Variants in KREMEN1 observed in about 807,000 individuals in gnomAD.
The protein encoded by KREMEN1 is kringle containing transmembrane protein 1.
Under a neutral mutation model 46.5 loss-of-function variants are expected in KREMEN1, and 30 were observed. The ratio of observed to expected loss-of-function variants is 0.65; its 90% CI spans 0.48 to 0.88. The LOEUF (loss-of-function observed/expected upper bound fraction) is 0.88. Ranked by LOEUF, KREMEN1 falls within the 40% of genes least tolerant of loss-of-function variation. The pLI, the probability that KREMEN1 is intolerant of heterozygous loss-of-function variation, is 0.00. For synonymous variants in KREMEN1, 214 were observed against 230.6 expected (o/e 0.93, Z 0.65); for missense variants, 533 against 596.9 (o/e 0.89, Z 1.11).
chr22:29,137,596 G>A lies in KREMEN1; in HGVS notation c.886G>A (p.Val296Ile), dbSNP rs1468248789. Residue 296 changes from valine to isoleucine, a missense_variant, in exon 6 of 9, where the codon GTC (valine) becomes ATC (isoleucine). Physicochemically the swap from Val to Ile is conservative, Grantham distance 29. Coordinates refer to ENST00000400335, the MANE Select transcript of KREMEN1 (RefSeq NM_001039570.3). ...GAGCCGCCCACCTCTGTCCTTCAAC[G>A]TCTCTCTGGACTTCGTCATCTTGTA... ...GRSRPPLSFN[V>I]SLDFVILYFF... is the part of the protein sequence containing the mutation. 12 of 1,613,344 alleles carry A rather than the reference G, an allele frequency of 7.4e-6. No homozygotes were observed. The highest frequency in any genetic ancestry group is 6.7e-5 in the Admixed American group (4 of 60,020).
chr22:29,136,311 T>C (rs2038656005), intron 5 of KREMEN1, among the ~76,000 whole-genome samples: 1 of 149,838 alleles, frequency 6.7e-6, no homozygotes, highest in South Asian at 2.2e-4. Flanking sequence ...CGGTGGCACA[T>C]GCCTATAATC....
rs2038866635 is a variant in KREMEN1 at position 29,146,508 on chromosome 22, G to A, written c.*4396G>A. The A allele has an allele frequency of 1.3e-5, 13 of 985,582 alleles. No individual in the cohort carries two copies. The highest frequency in any genetic ancestry group is 1.6e-5 in the Non-Finnish European group (13 of 829,938). 61.1% of individuals were successfully genotyped at this position (985,582 alleles called of 1,614,324 possible). A position where few individuals can be genotyped will look rare whatever the true frequency, so the allele number is the denominator to read the frequency against. On this transcript the variant is annotated 3_prime_UTR_variant, in exon 9 of 9. Coordinates refer to ENST00000400335, the MANE Select transcript of KREMEN1 (RefSeq NM_001039570.3). ...ACTGGAGGCCCTTCCCCGCCCGCAC[G>A]GGAGCTGCCATCGTGGGTCTCATGC...
intron 3 of KREMEN1, among the ~76,000 whole-genome samples, chr22:29,106,586 ATAGT>A (rs1331380200): frequency 6.6e-6 from 1 of 152,080 alleles, no homozygotes; most frequent in Non-Finnish European, 1.5e-5. Flanking sequence ...TTGAGCCCAG[ATAGT>A]TAAGTGATTT....
At chr22:29,153,327 A>G (rs2038932604) in intron 9 of KREMEN1, among the ~76,000 whole-genome samples, 1 of 152,030 alleles carries the variant, frequency 6.6e-6, no homozygotes, top group African/African-American at 2.4e-5. Flanking sequence ...GCCTCCTTAG[A>G]ATGCAGCCCA....
At chr22:29,128,484 T>C (rs1176701855) in intron 5 of KREMEN1, among the ~76,000 whole-genome samples, 1 of 152,182 alleles carries the variant, frequency 6.6e-6, no homozygotes, top group Non-Finnish European at 1.5e-5. Context: ...AAGTATGTTT[T>C]CTTTAGTATA....
At chr22:29,087,116 C>A (rs1347888120) in intron 1 of KREMEN1, among the ~76,000 whole-genome samples, 1 of 152,084 alleles carries the variant, frequency 6.6e-6, no homozygotes, top group Non-Finnish European at 1.5e-5. Context: ...TATCTACCTA[C>A]CAAGTTTCAT....
At chr22:29,100,300 A>G (rs1352911226) in intron 3 of KREMEN1, among the ~76,000 whole-genome samples, 1 of 152,102 alleles carries the variant, frequency 6.6e-6, no homozygotes, top group Non-Finnish European at 1.5e-5. Flanking sequence ...TTTTTAGTAG[A>G]GACGGGGTTT....
chr22:29,153,190 T>G (rs2038931041), intron 9 of KREMEN1, among the ~76,000 whole-genome samples: 1 of 152,266 alleles, frequency 6.6e-6, no homozygotes, highest in Non-Finnish European at 1.5e-5. Flanking sequence ...ACCAGCCATG[T>G]TGGTTTTGGC....
chr22:29,165,000 C>T (rs1384109966), intron 9 of KREMEN1, among the ~76,000 whole-genome samples: 1 of 151,826 alleles, frequency 6.6e-6, no homozygotes, highest in Admixed American at 6.6e-5. Context: ...TGGTGAAACC[C>T]CGTCCCTACT....
At chr22:29,165,862 C>G (rs149378320) in intron 9 of KREMEN1, among the ~76,000 whole-genome samples, 74 of 152,336 alleles carry the variant, frequency 4.9e-4, no homozygotes, top group South Asian at 1.0e-3. Context: ...GACTCTCACA[C>G]AGGTCAAGGG....
intron 1 of KREMEN1, among the ~76,000 whole-genome samples, chr22:29,087,693 G>A (rs1455910533): frequency 1.3e-5 from 2 of 152,018 alleles, no homozygotes; most frequent in Non-Finnish European, 2.9e-5. Context: ...AACCTCCCAA[G>A]TAGCTGGGAT....
intron 5 of KREMEN1, among the ~76,000 whole-genome samples, chr22:29,130,325 G>T (rs1305168199): frequency 6.6e-6 from 1 of 152,200 alleles, no homozygotes; most frequent in Non-Finnish European, 1.5e-5. Context: ...GTAGGATCTG[G>T]CTCCTGGGAC....
Position 29,094,395 on chromosome 22 carries a change from G to C in KREMEN1, c.235G>C (p.Gly79Arg), listed in dbSNP as rs766930551. ...NTLKYPNGEGGLGEHNYCRNP... is the reference protein window; with the variant it reads ...NTLKYPNGEGRLGEHNYCRNP... ...TCTGAAATACCCCAACGGGGAGGGG[G>C]GCCTGGGTGAGCACAACTATTGCAG... is the stretch of plus-strand genomic sequence containing the variant. Residue 79 changes from glycine (G) to arginine (R), a missense_variant, in exon 2 of 9, where the codon GGC becomes CGC. Gly to Arg is a moderately radical substitution (Grantham distance 125). Coordinates refer to ENST00000400335, the MANE Select transcript of KREMEN1 (RefSeq NM_001039570.3). 1.9e-6 allele frequency: 3 copies of C among 1,613,502 alleles called. No homozygotes were observed.
At chr22:29,086,048 T>C (rs554750731) in intron 1 of KREMEN1, among the ~76,000 whole-genome samples, 3 of 150,368 alleles carry the variant, frequency 2.0e-5, no homozygotes, top group Admixed American at 1.3e-4. Flanking sequence ...TTTAACCATA[T>C]AATTCTTACT....
At chr22:29,091,121 G>A (rs1187951748) in intron 1 of KREMEN1, among the ~76,000 whole-genome samples, 1 of 152,164 alleles carries the variant, frequency 6.6e-6, no homozygotes, top group Non-Finnish European at 1.5e-5. Flanking sequence ...TTACAGGCAT[G>A]CACTACCACC....
rs148684722 is a variant in KREMEN1, at chr22:29,139,178, G to T, written c.1123+396G>T. On this transcript the variant is annotated intron_variant, in intron 7 of 8. Transcript: ENST00000400335. ...AAAGATATATAAGTGCTTCAGTGGT[G>T]CCAGGCACTGTTCTAGGTACTGGAT... Among the ~76,000 whole-genome samples, 136 of 152,308 alleles carry T rather than the reference G, an allele frequency of 8.9e-4. 1 individual carries two copies. Among genetic ancestry groups the T allele is most frequent in the African/African-American group, 3.1e-3 (129 of 41,570 alleles).
intron 3 of KREMEN1, among the ~76,000 whole-genome samples, chr22:29,108,657 C>G (rs538410331): frequency 6.6e-6 from 1 of 152,302 alleles, no homozygotes; most frequent in South Asian, 2.1e-4. Context: ...TATTCATAAC[C>G]TGCATTTTAT....
chr22:29,123,760 A>G, intron 4 of KREMEN1, among the ~76,000 whole-genome samples: 1 of 152,236 alleles, frequency 6.6e-6, no homozygotes, highest in Admixed American at 6.5e-5. Context: ...ACTGTACTCC[A>G]ACCTGGATGA....
chr22:29,080,529 G>A (rs1435743776), intron 1 of KREMEN1, among the ~76,000 whole-genome samples: 1 of 152,180 alleles, frequency 6.6e-6, no homozygotes, highest in African/African-American at 2.4e-5. Context: ...TAGCGCTTCT[G>A]GCAGATGAAG....
Sources: gnomAD v4.1 joint callset for allele counts (sites outside exome capture counted in the v4.1 genomes callset) on GRCh38, gnomAD v4.1.1 for gene constraint, MANE v1.5 for transcripts, NCBI Gene and HGNC (gene_info 2026-07-23, HGNC 2026-07-21) for gene names.